The following CSMD2 variants were observed in gnomAD, a reference collection of about 807,000 sequenced individuals.
CSMD2 encodes CUB and sushi domain-containing protein 2.
CSMD2 carries 130 observed loss-of-function variants against 398.5 expected under a neutral mutation model. That is an observed-to-expected ratio of 0.33 (90% CI 0.28 to 0.38). The LOEUF (loss-of-function observed/expected upper bound fraction) is 0.38, where lower values mean the gene tolerates loss of function less well. Among genes scored for constraint, CSMD2 ranks in the 10% least tolerant of loss-of-function variants. CSMD2 has a pLI of 1.00. For missense variants in CSMD2, 3,829 were observed against 4,764.9 expected, an observed-to-expected ratio of 0.80 and a Z score of 5.78; for synonymous variants, 1,828 against 1,908.5, an observed-to-expected ratio of 0.96 and a Z score of 1.10.
At position 33,617,017 on chromosome 1, in the gene CSMD2, G is replaced by A. The variant is rs61475188; in HGVS notation, c.5947-42C>T. ...CAGGGATGGGCTAGCTGTCCCCGTG[G>A]GCACAATTGTATGTACAACCAGGGG... On this transcript the variant is annotated intron_variant, in intron 38 of 70. Coordinates refer to ENST00000373381, the MANE Select transcript of CSMD2 (RefSeq NM_001281956.2). 3,429 of 1,528,848 alleles carry A rather than the reference G, an allele frequency of 2.2e-3. 54 individuals are homozygous for A. In the African/African-American group the frequency reaches 0.038, roughly 17 times the overall value. 94.7% of individuals were successfully genotyped at this position (1,528,848 alleles called of 1,614,324 possible).
intron 5 of CSMD2, among the ~76,000 whole-genome samples, chr1:33,889,147 T>C (rs1183774946): frequency 6.6e-6 from 1 of 152,194 alleles, no homozygotes; most frequent in African/African-American, 2.4e-5. Flanking sequence ...CTAAAAGACA[T>C]GCTACTGATT....
At chr1:33,583,142 G>A (rs1301384980) in intron 47 of CSMD2, among the ~76,000 whole-genome samples, 2 of 152,204 alleles carry the variant, frequency 1.3e-5, no homozygotes, top group African/African-American at 4.8e-5. Context: ...TTGGCAAGAT[G>A]ACTTTTCAAG....
At position 33,559,749 on chromosome 1, in the gene CSMD2, C is replaced by T. The variant is rs1034078165; in HGVS notation, c.8381-276G>A. Among the ~76,000 whole-genome samples the T allele has an allele frequency of 3.9e-5, 6 of 152,018 alleles. No homozygotes were observed. The highest frequency in any genetic ancestry group is 1.9e-4 in the East Asian group (1 of 5,186). On this transcript the variant is annotated intron_variant, in intron 53 of 70. Coordinates refer to ENST00000373381, the MANE Select transcript of CSMD2 (RefSeq NM_001281956.2). This position sits in a 1 kb window ranked among gnomAD's most constrained non-coding sequence, Gnocchi z 4.0. ...GGACTGTGGTTCTCTGTGGTCTGAG[C>T]GGTCAGTGCTATCTTACTTTCCTTG... is the stretch of plus-strand genomic sequence containing the variant.
At chr1:33,911,172 C>G (rs1437897475) in intron 5 of CSMD2, among the ~76,000 whole-genome samples, 3 of 152,046 alleles carry the variant, frequency 2.0e-5, no homozygotes, top group Non-Finnish European at 4.4e-5. Context: ...CCTAGGAGAG[C>G]CTCGTTCATA....
At chr1:33,625,439 C>T (rs1642055925) in intron 33 of CSMD2, among the ~76,000 whole-genome samples, 185 bp from the exon 34 acceptor site, 1 of 152,198 alleles carries the variant, frequency 6.6e-6, no homozygotes, top group Admixed American at 6.5e-5. Context: ...TATAGTTGGA[C>T]ACACAGCGCT....
In CSMD2 at chr1:33,739,344, T is replaced by TG; in HGVS notation, c.2174-11dup. On this transcript the variant is annotated splice_polypyrimidine_tract_variant and intron_variant, in intron 14 of 70. Coordinates refer to ENST00000373381, the MANE Select transcript of CSMD2 (RefSeq NM_001281956.2). ...TCGTTGTGTCGGAAGGCTGTGTAGATGGAGTTCAAGGACATGATCAGACAT... is the reference window on the plus strand; with the variant it reads ...TCGTTGTGTCGGAAGGCTGTGTAGATGGGAGTTCAAGGACATGATCAGACAT... The TG allele has an allele frequency of 6.2e-7, 1 of 1,608,388 alleles. No individual in the cohort carries two copies. The highest frequency in any genetic ancestry group is 8.5e-7 in the Non-Finnish European group (1 of 1,177,174).
intron 13 of CSMD2, among the ~76,000 whole-genome samples, chr1:33,755,836 A>ATG (rs1648917918): frequency 6.9e-6 from 1 of 145,186 alleles, no homozygotes; most frequent in African/African-American, 2.7e-5. Context: ...TTTTTAAGAG[A>ATG]TGTGTGTGTG....
intron 3 of CSMD2, among the ~76,000 whole-genome samples, chr1:34,013,448 C>T (rs1179116746): frequency 1.3e-5 from 2 of 152,166 alleles, no homozygotes; most frequent in Admixed American, 1.3e-4. Flanking sequence ...ACCCCAAATC[C>T]CTCCACTCAG....
intron 44 of CSMD2, chr1:33,599,518 T>C (rs1308322959): frequency 6.6e-6 from 1 of 152,254 alleles, no homozygotes; most frequent in Non-Finnish European, 1.5e-5. Flanking sequence ...CATAATAACA[T>C]TGAGGCTCAG....
chr1:33,855,485 A>G (rs1639018483), intron 5 of CSMD2, among the ~76,000 whole-genome samples: 1 of 152,082 alleles, frequency 6.6e-6, no homozygotes, highest in Admixed American at 6.5e-5. Context: ...GTGTCCTAGC[A>G]TCATTTCTTC....
At chr1:33,918,732 CAG>C (rs1216202449) in intron 4 of CSMD2, among the ~76,000 whole-genome samples, 2 of 152,144 alleles carry the variant, frequency 1.3e-5, no homozygotes, top group African/African-American at 2.4e-5. Flanking sequence ...GATTTGGAGA[CAG>C]GGGAGTGCAT....
chr1:33,791,486 A>G (rs1279250755), intron 11 of CSMD2, among the ~76,000 whole-genome samples: 2 of 151,562 alleles, frequency 1.3e-5, no homozygotes, highest in African/African-American at 4.9e-5. Context: ...GCATTTCCTG[A>G]CTTTTTTTTT....
chr1:33,556,743 T>C (rs1200803283), intron 55 of CSMD2, among the ~76,000 whole-genome samples: 5 of 152,098 alleles, frequency 3.3e-5, no homozygotes, highest in Admixed American at 3.3e-4. Flanking sequence ...AATTGAATCA[T>C]GGGGGCAGTT....
At position 33,754,455 on chromosome 1, in the gene CSMD2, C is replaced by T. The variant is rs1450333891; in HGVS notation, c.1847-10849G>A. On this transcript the variant is annotated intron_variant, in intron 13 of 70. Coordinates refer to ENST00000373381, the MANE Select transcript of CSMD2 (RefSeq NM_001281956.2). ...ATCAGGAGCTGAACAGATCTTGGTG[C>T]CATGCCTGTACAGCCTGCAGAACTG... Among the ~76,000 whole-genome samples, 8 of 152,292 alleles carry T rather than the reference C, an allele frequency of 5.3e-5. No individual in the cohort carries two copies. In the East Asian group the frequency reaches 1.5e-3, roughly 29 times the overall value.
intron 3 of CSMD2, among the ~76,000 whole-genome samples, chr1:33,949,436 G>T (rs571225): frequency 0.41 from 62,239 of 151,666 alleles, 13,385 homozygotes; most frequent in African/African-American, 0.55. Context: ...CTCTTGTTGA[G>T]CCAGGGAGCG....
chr1:33,516,510 C>G lies in CSMD2; in HGVS notation c.*114G>C, dbSNP rs765691502. 2 of 152,374 alleles carry G rather than the reference C, an allele frequency of 1.3e-5. No homozygotes were observed. Among genetic ancestry groups the G allele is most frequent in the Admixed American group, 6.5e-5 (1 of 15,284 alleles). The allele number at this position is 152,374 out of a possible 1,614,324, so 9.4% of individuals were successfully genotyped here. On this transcript the variant is annotated 3_prime_UTR_variant, in exon 71 of 71. Coordinates refer to ENST00000373381, the MANE Select transcript of CSMD2 (RefSeq NM_001281956.2). ...GCAGTAGCAGACACAGGCAAGGAGA[C>G]GAACGAAGATGGGCACTGGGCACTG...
chr1:33,903,781 G>T (rs1642903952), intron 5 of CSMD2, among the ~76,000 whole-genome samples: 1 of 152,230 alleles, frequency 6.6e-6, no homozygotes, highest in Non-Finnish European at 1.5e-5. Flanking sequence ...CTGATAGACA[G>T]CAAGGGTTAC....
intron 41 of CSMD2, among the ~76,000 whole-genome samples, chr1:33,607,364 A>C (rs1640683808): frequency 6.6e-6 from 1 of 152,222 alleles, no homozygotes; most frequent in South Asian, 2.1e-4. Flanking sequence ...TTCTAAGGAA[A>C]GTCGAGGGGC....
intron 25 of CSMD2, among the ~76,000 whole-genome samples, chr1:33,669,112 C>G (rs141922263): frequency 6.6e-6 from 1 of 152,136 alleles, no homozygotes; most frequent in African/African-American, 2.4e-5. Context: ...AACTGAAGTT[C>G]CAAGGGATTA....
Sources: allele counts gnomAD v4.1 joint callset (sites outside exome capture counted in the v4.1 genomes callset), GRCh38; gene constraint gnomAD v4.1.1; non-coding constraint Gnocchi (gnomAD v3.1); transcripts MANE v1.5; gene names NCBI Gene and HGNC (gene_info 2026-07-23, HGNC 2026-07-21).